The following PRKN variants were observed in gnomAD, a reference collection of about 807,000 sequenced individuals.
The protein encoded by PRKN is E3 ubiquitin-protein ligase parkin.
Under a neutral mutation model 59.5 loss-of-function variants are expected in PRKN, and 56 were observed. The ratio of observed to expected loss-of-function variants is 0.94; its 90% CI spans 0.76 to 1.18. The LOEUF is 1.18. Among genes scored for constraint, PRKN ranks in the 50% most tolerant of loss-of-function variants. The pLI is 0.00. For synonymous variants in PRKN, 250 were observed against 222.1 expected (o/e 1.13, Z -1.12); for missense variants, 657 against 596.4 (o/e 1.10, Z -1.06).
intron 1 of PRKN, among the ~76,000 whole-genome samples, chr6:162,639,043 G>A (rs1456679895): frequency 2.6e-5 from 4 of 152,098 alleles, no homozygotes; most frequent in East Asian, 1.9e-4. Flanking sequence ...GCCACTATAC[G>A]AGCTAGGTCA....
intron 4 of PRKN, among the ~76,000 whole-genome samples, chr6:162,060,869 T>C (rs1158913081): frequency 6.6e-6 from 1 of 152,246 alleles, no homozygotes; most frequent in African/African-American, 2.4e-5. Flanking sequence ...TATCTCATCT[T>C]GTCATCGAAT....
At position 161,426,893 on chromosome 6, in the gene PRKN, G is replaced by A. The variant is rs143986766; in HGVS notation, c.1084-40016C>T. On this transcript the variant is annotated intron_variant, in intron 9 of 11. Transcript: ENST00000366898. ...GCCACCACGCCTGGCTAATTTTTTC[G>A]TATTTTTAGTAGAGATGGGGTTTCA... Among the ~76,000 whole-genome samples, 1,267 of 149,850 alleles carry A rather than the reference G, an allele frequency of 8.5e-3. 24 individuals carry two copies. The highest frequency in any genetic ancestry group is 0.03 in the African/African-American group (1,222 of 40,474).
intron 1 of PRKN, among the ~76,000 whole-genome samples, chr6:162,477,488 A>C (rs779220175): frequency 4.6e-5 from 7 of 152,192 alleles, no homozygotes; most frequent in Non-Finnish European, 8.8e-5. Context: ...TACTGGCTTT[A>C]TAAGAGTCGA....
At chr6:161,725,618 A>G (rs934686212) in intron 7 of PRKN, among the ~76,000 whole-genome samples, 1 of 152,162 alleles carries the variant, frequency 6.6e-6, no homozygotes, top group African/African-American at 2.4e-5. Context: ...CCATTTCCGC[A>G]GTTTGTGGCA....
At chr6:162,409,066 G>A (rs1788215959) in intron 2 of PRKN, among the ~76,000 whole-genome samples, 1 of 152,040 alleles carries the variant, frequency 6.6e-6, no homozygotes, top group African/African-American at 2.4e-5. Context: ...ACAAATAAAG[G>A]AACGATTTGC....
chr6:161,585,435 A>C (rs530728584), intron 7 of PRKN, among the ~76,000 whole-genome samples: 3 of 152,294 alleles, frequency 2.0e-5, no homozygotes, highest in East Asian at 3.9e-4. Flanking sequence ...CTCTTAGAAA[A>C]CAGAAGCCCT....
chr6:162,605,328 A>G (rs1265824611), intron 1 of PRKN, among the ~76,000 whole-genome samples: 1 of 152,128 alleles, frequency 6.6e-6, no homozygotes, highest in Non-Finnish European at 1.5e-5. Flanking sequence ...AACCCAAGAG[A>G]AAATTTATTC....
intron 2 of PRKN, among the ~76,000 whole-genome samples, chr6:162,418,763 TCCAAG>T (rs1788790536): frequency 6.6e-6 from 1 of 151,204 alleles, no homozygotes; most frequent in African/African-American, 2.4e-5. Context: ...CATGAAGGAA[TCCAAG>T]CACACCCAGG....
intron 4 of PRKN, among the ~76,000 whole-genome samples, chr6:162,186,482 T>C (rs1344825008): frequency 6.7e-6 from 1 of 149,702 alleles, no homozygotes; most frequent in Non-Finnish European, 1.5e-5. Context: ...TGAAGGTGAT[T>C]TCTTTGTGGA....
intron 1 of PRKN, among the ~76,000 whole-genome samples, chr6:162,486,101 A>C (rs1792526469): frequency 6.6e-6 from 1 of 152,176 alleles, no homozygotes; most frequent in Admixed American, 6.6e-5. Flanking sequence ...TTTAAAAATG[A>C]AAGTGACTCC....
intron 1 of PRKN, among the ~76,000 whole-genome samples, chr6:162,485,177 T>C (rs1792486043): frequency 6.6e-6 from 1 of 152,198 alleles, no homozygotes; most frequent in Non-Finnish European, 1.5e-5. Flanking sequence ...TAATAGGATT[T>C]TTCTTTATTC....
chr6:162,146,178 C>T (rs1244261253), intron 4 of PRKN, among the ~76,000 whole-genome samples: 2 of 152,080 alleles, frequency 1.3e-5, no homozygotes, highest in African/African-American at 4.8e-5. Context: ...CTATATAGCA[C>T]CCACGTAGCC....
At chr6:161,404,082 T>C (rs1471764245) in intron 9 of PRKN, among the ~76,000 whole-genome samples, 2 of 152,108 alleles carry the variant, frequency 1.3e-5, no homozygotes, top group African/African-American at 2.4e-5. Context: ...CAAACCTCCC[T>C]GACCCCAGGC....
chr6:162,359,079 A>AAAAAAAAAAAAAATATATATATATAT (rs57265104), intron 2 of PRKN, among the ~76,000 whole-genome samples: 2 of 83,246 alleles, frequency 2.4e-5, no homozygotes, highest in African/African-American at 1.5e-4. Context: ...AAAAAAAAAA[A>AAAAAAAAAAAAAATATATATATATAT]ATATATATAT....
At chr6:162,227,003 C>CGGCTGGCTGCCT (rs1466504381) in intron 3 of PRKN, among the ~76,000 whole-genome samples, 1 of 152,170 alleles carries the variant, frequency 6.6e-6, no homozygotes, top group Non-Finnish European at 1.5e-5. Context: ...TGCTGACAGC[C>CGGCTGGCTGCCT]GGCTGGCTGC....
At chr6:161,585,886 T>C (rs1781504831) in intron 7 of PRKN, among the ~76,000 whole-genome samples, 1 of 152,200 alleles carries the variant, frequency 6.6e-6, no homozygotes, top group South Asian at 2.1e-4. Flanking sequence ...CCTCTACATA[T>C]TTGGCTCCAG....
At chr6:162,325,047 G>A (rs1783201930) in intron 2 of PRKN, among the ~76,000 whole-genome samples, 1 of 151,296 alleles carries the variant, frequency 6.6e-6, no homozygotes, top group East Asian at 1.9e-4. Flanking sequence ...ATTTTAATTT[G>A]GAAAAAAAAA....
intron 5 of PRKN, among the ~76,000 whole-genome samples, chr6:161,998,010 G>A (rs1484551296): frequency 6.6e-6 from 1 of 151,876 alleles, no homozygotes; most frequent in Non-Finnish European, 1.5e-5. Context: ...TGGTTTATAT[G>A]GCAATAATGT....
At position 161,530,580 on chromosome 6, in the gene PRKN, G is replaced by A. The variant is rs1327399551; in HGVS notation, c.1083+18274C>T. Among the ~76,000 whole-genome samples, 2 of 150,638 alleles carry A rather than the reference G, an allele frequency of 1.3e-5. No homozygotes were observed. Among genetic ancestry groups the A allele is most frequent in the African/African-American group, 4.9e-5 (2 of 40,866 alleles). Reference sequence around the variant, plus strand: ...TGCCCAGGCTGGAGTGCAATGGCATGATCTCGGCTCACCGCAACCTCCACC... The same window carrying A: ...TGCCCAGGCTGGAGTGCAATGGCATAATCTCGGCTCACCGCAACCTCCACC... On this transcript the variant is annotated intron_variant, in intron 9 of 11. Coordinates refer to ENST00000366898, the MANE Select transcript of PRKN (RefSeq NM_004562.3). The surrounding 1 kb of genome is among the most constrained non-coding windows in gnomAD (Gnocchi z 5.0).
Sources: allele counts gnomAD v4.1 joint callset (sites outside exome capture counted in the v4.1 genomes callset), GRCh38; gene constraint gnomAD v4.1.1; non-coding constraint Gnocchi (gnomAD v3.1); transcripts MANE v1.5; gene names NCBI Gene and HGNC (gene_info 2026-07-23, HGNC 2026-07-21).